CEP89: variants seen among roughly 807,000 people sequenced by gnomAD.
CEP89 encodes centrosomal protein 89, also known as centrosomal protein of 89 kDa.
Under a neutral mutation model 97.6 loss-of-function variants are expected in CEP89, and 95 were observed. The ratio of observed to expected loss-of-function variants is 0.97; its 90% CI spans 0.82 to 1.15. CEP89 has a LOEUF of 1.15. CEP89 is among the 50% of genes most tolerant of loss of function. CEP89 has a pLI of 0.00. For missense variants in CEP89, 869 were observed against 947.7 expected (o/e 0.92, Z 1.09); for synonymous variants, 354 against 349.1 (o/e 1.01, Z -0.16).
At chr19:32,909,370 T>A (rs890935947) in intron 14 of CEP89, among the ~76,000 whole-genome samples, 10 of 152,110 alleles carry the variant, frequency 6.6e-5, no homozygotes, top group Non-Finnish European at 1.2e-4. Context: ...GCCAGGGAGA[T>A]GCCTGCACAG....
chr19:32,926,892 A>G lies in CEP89; in HGVS notation c.1080+42T>C, dbSNP rs779276009. The G allele has an allele frequency of 4.4e-6, 7 of 1,576,932 alleles. No individual in the cohort carries two copies. The South Asian group carries it at 6.7e-5, about 15-fold the overall frequency. On this transcript the variant is annotated intron_variant, in intron 10 of 18. Coordinates refer to ENST00000305768, the MANE Select transcript of CEP89 (RefSeq NM_032816.5). ...TGGTTTTTAATAGCTATGCAAATAT[A>G]CCCTGAAAATATGGGCCTGAAATTA...
At chr19:32,912,499 C>G (rs7248010) in intron 14 of CEP89, among the ~76,000 whole-genome samples, 39,215 of 151,982 alleles carry the variant, frequency 0.26, 5,495 homozygotes, top group African/African-American at 0.35. Flanking sequence ...TTCCAATGGG[C>G]TGGCCTGCCA....
At chr19:32,939,575 G>C (rs921698246) in intron 6 of CEP89, among the ~76,000 whole-genome samples, 3 of 151,802 alleles carry the variant, frequency 2.0e-5, no homozygotes, top group Non-Finnish European at 4.4e-5. Flanking sequence ...CTACTCGGGA[G>C]GCTGAGGTGG....
At chr19:32,900,189 G>A (rs1969734390) in intron 15 of CEP89, among the ~76,000 whole-genome samples, 191 bp from the exon 16 acceptor site, 1 of 151,622 alleles carries the variant, frequency 6.6e-6, no homozygotes, top group Non-Finnish European at 1.5e-5. Context: ...AGCATAATTA[G>A]TGACCCCAAC....
At chr19:32,951,214 C>T (rs572855027) in intron 4 of CEP89, among the ~76,000 whole-genome samples, 1 of 152,186 alleles carries the variant, frequency 6.6e-6, no homozygotes, top group Non-Finnish European at 1.5e-5. Context: ...CTTTAAAAGG[C>T]TTGGCTGGGC....
At chr19:32,923,618 G>A (rs1421539796) in intron 11 of CEP89, 76 bp from the exon 12 acceptor site, 2 of 955,560 alleles carry the variant, frequency 2.1e-6, no homozygotes, top group Non-Finnish European at 3.3e-6. Flanking sequence ...TGCTGCTGCT[G>A]TGGCTAAAAT....
chr19:32,961,578 CAAAAA>C (rs1193124918), intron 2 of CEP89, among the ~76,000 whole-genome samples: 1 of 62,306 alleles, frequency 1.6e-5, no homozygotes. Context: ...GACTCCATCT[CAAAAA>C]AAAAAAAAAA....
intron 15 of CEP89, among the ~76,000 whole-genome samples, chr19:32,900,624 G>A (rs972075642): frequency 3.3e-5 from 5 of 151,686 alleles, no homozygotes; most frequent in Non-Finnish European, 7.4e-5. Context: ...AGGCACTTTC[G>A]AAAAAAAGAT....
intron 4 of CEP89, among the ~76,000 whole-genome samples, chr19:32,951,534 T>TATATATATATACACAC (rs1407110112): frequency 8.2e-6 from 1 of 122,042 alleles, no homozygotes; most frequent in African/African-American, 3.4e-5. Context: ...TATATATATA[T>TATATATATATACACAC]ACACACACAC....
intron 16 of CEP89, among the ~76,000 whole-genome samples, chr19:32,893,730 A>G (rs1006051663): frequency 6.6e-6 from 1 of 152,268 alleles, no homozygotes; most frequent in African/African-American, 2.4e-5. Context: ...AACTTTGGAA[A>G]CTGTACAAAC....
chr19:32,946,664 G>A (rs932928732), intron 5 of CEP89, among the ~76,000 whole-genome samples: 2 of 152,010 alleles, frequency 1.3e-5, no homozygotes, highest in African/African-American at 2.4e-5. Flanking sequence ...ATCATGGGGC[G>A]GTTTCCCCCA....
At chr19:32,948,440 C>T in intron 4 of CEP89, 72 bp from the exon 5 acceptor site, 2 of 829,598 alleles carry the variant, frequency 2.4e-6, no homozygotes, top group Non-Finnish European at 3.8e-6. Flanking sequence ...GTCCTCCTAA[C>T]AAATTCCAAC....
intron 14 of CEP89, among the ~76,000 whole-genome samples, chr19:32,903,194 A>G (rs1013767704): frequency 1.8e-4 from 28 of 151,974 alleles, no homozygotes; most frequent in Admixed American, 1.4e-3. Context: ...GAAAAAAAAA[A>G]AGAAAACAGA....
At position 32,966,403 on chromosome 19, in the gene CEP89, T is replaced by C; in HGVS notation, c.103A>G (p.Thr35Ala). ...GGGTTGGGGCTGCGGGGAGGAGGTG[T>C]GCGTGGCACAGCTGCCTTCGGAGCA... ...SVAPKAAVPR[T>A]PPPRSPNPSP... The change falls in exon 2 of 19, where the codon ACA becomes GCA. Residue 35 changes from threonine to alanine, a missense_variant. Physicochemically the swap from Thr to Ala is moderately conservative, Grantham distance 58. Coordinates refer to ENST00000305768, the MANE Select transcript of CEP89 (RefSeq NM_032816.5). 6.4e-7 allele frequency: 1 copy of C among 1,562,904 alleles called. No individual in the cohort carries two copies. Among genetic ancestry groups the C allele is most frequent in the Non-Finnish European group, 8.7e-7 (1 of 1,151,776 alleles).
intron 4 of CEP89, among the ~76,000 whole-genome samples, chr19:32,951,534 T>TATATATATACACACAC (rs1407110112): frequency 2.5e-4 from 30 of 122,036 alleles, no homozygotes; most frequent in African/African-American, 9.9e-4. Context: ...TATATATATA[T>TATATATATACACACAC]ACACACACAC....
intron 12 of CEP89, among the ~76,000 whole-genome samples, chr19:32,921,088 G>C (rs1471077572): frequency 6.6e-6 from 1 of 152,010 alleles, no homozygotes; most frequent in Admixed American, 6.6e-5. Flanking sequence ...CAGGCGTGGT[G>C]GTGGGCGCCT....
chr19:32,920,339 C>T (rs563909788), intron 12 of CEP89, among the ~76,000 whole-genome samples: 103 of 152,102 alleles, frequency 6.8e-4, no homozygotes, highest in African/African-American at 2.4e-3. Context: ...CTCGGCCTCC[C>T]AAAGCATTAG....
At chr19:32,890,746 G>A (rs1969497751) in intron 16 of CEP89, among the ~76,000 whole-genome samples, 1 of 152,058 alleles carries the variant, frequency 6.6e-6, no homozygotes, top group African/African-American at 2.4e-5. Flanking sequence ...ACCCCTGCAG[G>A]CCCTGAGACT....
chr19:32,946,049 T>C (rs1296712869), intron 5 of CEP89, among the ~76,000 whole-genome samples: 1 of 152,368 alleles, frequency 6.6e-6, no homozygotes, highest in East Asian at 1.9e-4. Context: ...CTGCTACTCC[T>C]GAATTCTTCA....
Sources: allele counts gnomAD v4.1 joint callset (sites outside exome capture counted in the v4.1 genomes callset), GRCh38; gene constraint gnomAD v4.1.1; transcripts MANE v1.5; gene names NCBI Gene and HGNC (gene_info 2026-07-23, HGNC 2026-07-21).